Variants in SMOC1 observed in about 807,000 individuals in gnomAD.
SMOC1 encodes the protein SPARC related modular calcium binding 1.
A neutral mutation model predicts 56.3 loss-of-function variants in SMOC1; 22 were observed. The observed-to-expected ratio is 0.39, with a 90% CI of 0.28 to 0.56. The LOEUF (loss-of-function observed/expected upper bound fraction) is 0.56, where lower values mean the gene tolerates loss of function less well. SMOC1 is among the 20% of genes least tolerant of loss of function. The pLI is 0.61. For missense variants in SMOC1, 509 were observed against 565.4 expected (o/e 0.90, Z 1.01); for synonymous variants, 193 against 215.0 (o/e 0.90, Z 0.89).
chr14:69,947,617 TGA>T (rs1022517352), intron 1 of SMOC1, among the ~76,000 whole-genome samples: 6 of 152,248 alleles, frequency 3.9e-5, no homozygotes, highest in African/African-American at 1.2e-4. Flanking sequence ...CTGGCTCAAC[TGA>T]GAAAAATTCG....
intron 1 of SMOC1, among the ~76,000 whole-genome samples, chr14:69,900,924 C>T (rs1441256843): frequency 6.6e-6 from 1 of 152,216 alleles, no homozygotes; most frequent in Non-Finnish European, 1.5e-5. Context: ...AAATCTTATC[C>T]TCTTCTTCGA....
intron 5 of SMOC1, among the ~76,000 whole-genome samples, chr14:69,992,166 G>A (rs773146213): frequency 1.3e-5 from 2 of 152,184 alleles, no homozygotes; most frequent in African/African-American, 2.4e-5. Context: ...CCAAAGCCAC[G>A]AAGCTTTAAC....
chr14:69,969,909 C>G (rs1014138541), intron 3 of SMOC1, among the ~76,000 whole-genome samples: 1 of 152,186 alleles, frequency 6.6e-6, no homozygotes. Context: ...TTGGAGAGAA[C>G]AGCAGCCTCA....
intron 1 of SMOC1, among the ~76,000 whole-genome samples, chr14:69,918,830 G>C (rs1485136784): frequency 6.6e-6 from 1 of 152,180 alleles, no homozygotes; most frequent in African/African-American, 2.4e-5. Context: ...CAAGAACAAA[G>C]CTTCTCTGTC....
At position 70,031,471 on chromosome 14, in the gene SMOC1, G is replaced by GT. The variant is rs1886150083; in HGVS notation, c.*1219dup. ...TGGTAACACTAAAGTTGTTTTGTTG[G>GT]TTTTTTAAAAACCCAATACTGAGGT... On this transcript the variant is annotated 3_prime_UTR_variant, in exon 12 of 12. Transcript: ENST00000361956. 6.6e-6 allele frequency: 1 copy of GT among 152,180 alleles called. No individual in the cohort carries two copies. The highest frequency in any genetic ancestry group is 1.5e-5 in the Non-Finnish European group (1 of 68,038). The allele number at this position is 152,180 out of a possible 1,614,324, so 9.4% of individuals were successfully genotyped here.
intron 3 of SMOC1, among the ~76,000 whole-genome samples, chr14:69,953,787 A>G (rs1883092176): frequency 6.6e-6 from 1 of 152,088 alleles, no homozygotes; most frequent in African/African-American, 2.4e-5. Flanking sequence ...CTTGGTCCCC[A>G]TCCTCCCTGC....
chr14:70,008,582 C>A (rs969303504), intron 7 of SMOC1, among the ~76,000 whole-genome samples: 2 of 152,228 alleles, frequency 1.3e-5, no homozygotes, highest in African/African-American at 4.8e-5. Flanking sequence ...GTCCACATTT[C>A]TGAGGGTCTC....
At chr14:69,974,245 T>G (rs1010083873) in intron 3 of SMOC1, among the ~76,000 whole-genome samples, 1 of 151,918 alleles carries the variant, frequency 6.6e-6, no homozygotes, top group Non-Finnish European at 1.5e-5. Context: ...GGCTGTGATT[T>G]TGGGGGCCCC....
chr14:69,955,405 G>A (rs1345662480), intron 3 of SMOC1, among the ~76,000 whole-genome samples: 2 of 152,068 alleles, frequency 1.3e-5, no homozygotes, highest in East Asian at 3.8e-4. Flanking sequence ...CTGAAAAGTG[G>A]AGATTGATTA....
At chr14:69,930,040 C>A (rs1263107737) in intron 1 of SMOC1, among the ~76,000 whole-genome samples, 6 of 152,066 alleles carry the variant, frequency 3.9e-5, no homozygotes, top group African/African-American at 1.4e-4. Context: ...GGGGGAGCAG[C>A]CCCAACCCCT....
chr14:69,945,727 A>C (rs1034018465), intron 1 of SMOC1, among the ~76,000 whole-genome samples: 3 of 152,212 alleles, frequency 2.0e-5, no homozygotes, highest in African/African-American at 7.2e-5. Context: ...GAATTTATTA[A>C]AGAAAAACCT....
At chr14:69,888,901 G>A (rs10131712) in intron 1 of SMOC1, among the ~76,000 whole-genome samples, 136,194 of 152,206 alleles carry the variant, frequency 0.89, 61,042 homozygotes, top group East Asian at 1. Context: ...ATAAAAGGAC[G>A]TGTATTACTC....
intron 1 of SMOC1, among the ~76,000 whole-genome samples, chr14:69,884,597 A>C (rs1176864720): frequency 6.6e-6 from 1 of 152,098 alleles, no homozygotes; most frequent in Non-Finnish European, 1.5e-5. Context: ...AATTCATTTG[A>C]GTCAATTTTT....
chr14:69,883,306 T>C (rs1883696357), intron 1 of SMOC1, among the ~76,000 whole-genome samples: 1 of 152,186 alleles, frequency 6.6e-6, no homozygotes, highest in South Asian at 2.1e-4. Context: ...TTCCTCAGCC[T>C]CTGGTAACCA....
At position 70,018,653 on chromosome 14, in the gene SMOC1, C is replaced by T. The variant is rs569200645; in HGVS notation, c.1047-4550C>T. ...AAAGGAAGATTTCTGAGATCTCAGC[C>T]GGCAGAGTCTTCTAGAGCAGGGGAA... is the stretch of plus-strand genomic sequence containing the variant. On this transcript the variant is annotated intron_variant, in intron 10 of 11. Transcript: ENST00000361956. Among the ~76,000 whole-genome samples the T allele has an allele frequency of 3.3e-5, 5 of 152,306 alleles. No individual in the cohort carries two copies. In the South Asian group the frequency reaches 8.3e-4, roughly 25 times the overall value.
chr14:70,014,956 G>A (rs1437907495), intron 10 of SMOC1, among the ~76,000 whole-genome samples: 4 of 152,176 alleles, frequency 2.6e-5, no homozygotes, highest in South Asian at 2.1e-4. Flanking sequence ...TGGAGCTGTC[G>A]ACGTTTCTGC....
At chr14:69,955,020 G>C (rs1342831121) in intron 3 of SMOC1, among the ~76,000 whole-genome samples, 1 of 152,184 alleles carries the variant, frequency 6.6e-6, no homozygotes, top group Non-Finnish European at 1.5e-5. Context: ...GATAGTCACT[G>C]GGTTAAACTG....
chr14:69,882,666 A>AG (rs149592359), intron 1 of SMOC1, among the ~76,000 whole-genome samples: 2,206 of 152,106 alleles, frequency 0.015, 30 homozygotes, highest in Non-Finnish European at 0.024. Flanking sequence ...GGGATGGGGG[A>AG]GGGGCTCTCC....
chr14:69,879,595 C>T lies in SMOC1; in HGVS notation c.-84C>T, dbSNP rs906951886. On this transcript the variant is annotated 5_prime_UTR_variant, in exon 1 of 12. Transcript: ENST00000361956. ...TCCCCGCCGCCGCGAGGGCCCCGAG[C>T]GAAGGAAGGAAGGGAGGCGCGCTGT... 2.9e-5 allele frequency: 32 copies of T among 1,118,598 alleles called. No homozygotes were observed. The highest frequency in any genetic ancestry group is 3.3e-5 in the Non-Finnish European group (28 of 855,242). 69.3% of individuals were successfully genotyped at this position (1,118,598 alleles called of 1,614,324 possible). A position where few individuals can be genotyped will look rare whatever the true frequency, so the allele number is the denominator to read the frequency against.
Sources: allele counts gnomAD v4.1 joint callset (sites outside exome capture counted in the v4.1 genomes callset), GRCh38; gene constraint gnomAD v4.1.1; transcripts MANE v1.5; gene names NCBI Gene and HGNC (gene_info 2026-07-23, HGNC 2026-07-21).